Variants in DIAPH3 observed in about 807,000 individuals in gnomAD.
DIAPH3 encodes the protein diaphanous related formin 3, also known as protein diaphanous homolog 3.
A neutral mutation model predicts 144.3 loss-of-function variants in DIAPH3; 117 were observed. The observed-to-expected ratio is 0.81, with a 90% CI of 0.70 to 0.95. The LOEUF is 0.95. Ranked by LOEUF, DIAPH3 falls within the 40% of genes least tolerant of loss-of-function variation. The pLI is 0.00. For missense variants in DIAPH3, 1,421 were observed against 1,412.7 expected (o/e 1.01, Z -0.09); for synonymous variants, 519 against 488.9 (o/e 1.06, Z -0.81).
chr13:59,703,803 G>A lies in DIAPH3; in HGVS notation c.3320-36957C>T, dbSNP rs1349336038. On this transcript the variant is annotated intron_variant, in intron 27 of 27. Transcript: ENST00000400324. ...TTAGCATGCCTAGCAGTGTTTTATT[G>A]AAATCTGGATATTCTATGTATATAT... 2.0e-5 allele frequency among the ~76,000 whole-genome samples: 3 copies of A among 152,108 alleles called. No homozygotes were observed. In the East Asian group the frequency reaches 5.8e-4, roughly 29 times the overall value.
intron 17 of DIAPH3, among the ~76,000 whole-genome samples, chr13:59,937,220 C>T (rs2048311463): frequency 6.6e-6 from 1 of 151,812 alleles, no homozygotes. Flanking sequence ...ATAACATTCT[C>T]TCATATGTTC....
chr13:59,737,889 G>A (rs1263037130), intron 27 of DIAPH3, among the ~76,000 whole-genome samples: 4 of 152,070 alleles, frequency 2.6e-5, no homozygotes, highest in African/African-American at 9.7e-5. Context: ...AAATTAGGCC[G>A]GGCACAGTGG....
chr13:59,869,885 GT>G (rs1000259855), intron 21 of DIAPH3, among the ~76,000 whole-genome samples: 1 of 152,038 alleles, frequency 6.6e-6, no homozygotes, highest in African/African-American at 2.4e-5. Flanking sequence ...TTAGATAAAA[GT>G]CCTTTATCAG....
intron 17 of DIAPH3, among the ~76,000 whole-genome samples, chr13:59,961,038 T>C (rs2049726530): frequency 1.3e-5 from 2 of 152,186 alleles, no homozygotes; most frequent in African/African-American, 4.8e-5. Flanking sequence ...TATGAACTAG[T>C]GTTACAGTAG....
chr13:60,121,807 C>T (rs929957916), intron 2 of DIAPH3, among the ~76,000 whole-genome samples: 2 of 152,134 alleles, frequency 1.3e-5, no homozygotes, highest in African/African-American at 2.4e-5. Context: ...TCAGCTCTGC[C>T]GAAAGGTGAT....
intron 1 of DIAPH3, among the ~76,000 whole-genome samples, chr13:60,136,785 A>G (rs2059290108): frequency 6.6e-6 from 1 of 152,008 alleles, no homozygotes; most frequent in South Asian, 2.1e-4. Flanking sequence ...AATACAAAAA[A>G]AAAAATTAGC....
At chr13:59,990,329 A>G (rs945195661) in intron 12 of DIAPH3, among the ~76,000 whole-genome samples, 2 of 151,860 alleles carry the variant, frequency 1.3e-5, no homozygotes, top group Non-Finnish European at 2.9e-5. Flanking sequence ...CCGAGGACAC[A>G]GCCTGAATGA....
At chr13:60,054,415 A>G (rs1263106165) in intron 4 of DIAPH3, among the ~76,000 whole-genome samples, 1 of 152,084 alleles carries the variant, frequency 6.6e-6, no homozygotes. Context: ...GAAAAAGCTT[A>G]CGTTCTCATA....
At chr13:60,131,632 G>T (rs1304287987) in intron 2 of DIAPH3, among the ~76,000 whole-genome samples, 13 of 151,954 alleles carry the variant, frequency 8.6e-5, no homozygotes, top group Admixed American at 8.5e-4. Context: ...CTAGAACTGA[G>T]GGAGTTGAGG....
chr13:59,706,973 T>A (rs910663282), intron 27 of DIAPH3, among the ~76,000 whole-genome samples: 6 of 152,214 alleles, frequency 3.9e-5, no homozygotes, highest in Non-Finnish European at 7.3e-5. Context: ...TTGGGTAGAA[T>A]TGACACATGC....
At chr13:60,079,178 G>A (rs1042616762) in intron 4 of DIAPH3, among the ~76,000 whole-genome samples, 1 of 152,128 alleles carries the variant, frequency 6.6e-6, no homozygotes, top group African/African-American at 2.4e-5. Flanking sequence ...GACCCCATTG[G>A]GGAAAGGGCA....
At chr13:59,930,088 A>G (rs911453830) in intron 17 of DIAPH3, among the ~76,000 whole-genome samples, 4 of 152,178 alleles carry the variant, frequency 2.6e-5, no homozygotes, top group African/African-American at 9.7e-5. Flanking sequence ...TTTTATGTTA[A>G]GTGTTAGGTA....
At chr13:60,016,908 A>T (rs2053688182) in intron 5 of DIAPH3, among the ~76,000 whole-genome samples, 1 of 152,208 alleles carries the variant, frequency 6.6e-6, no homozygotes, top group Admixed American at 6.5e-5. Context: ...GATTACATGA[A>T]AACTACCTCG....
At chr13:60,114,376 T>C (rs1566787904) in intron 2 of DIAPH3, among the ~76,000 whole-genome samples, 1 of 151,440 alleles carries the variant, frequency 6.6e-6, no homozygotes, top group Admixed American at 6.6e-5. Flanking sequence ...GAAGAATCAG[T>C]GAACCTAAAC....
rs535773408 is a variant in DIAPH3 at position 60,160,173 on chromosome 13, G to A, written c.180+3414C>T. 3.7e-4 allele frequency among the ~76,000 whole-genome samples: 56 copies of A among 152,150 alleles called. 2 individuals carry two copies. Among genetic ancestry groups the A allele is most frequent in the African/African-American group, 1.9e-4 (8 of 41,490 alleles). On this transcript the variant is annotated intron_variant, in intron 1 of 27. Transcript: ENST00000400324. ...CGAGAGGCGGAGCTTGCAGTGAGCC[G>A]AGATCACGCCTCTGCACTCCAGCCT...
chr13:60,093,368 A>G (rs2058012587), intron 4 of DIAPH3, among the ~76,000 whole-genome samples: 1 of 152,230 alleles, frequency 6.6e-6, no homozygotes, highest in Non-Finnish European at 1.5e-5. Context: ...TTCACTAACA[A>G]GGAAAGGTGA....
rs141832127 is a variant in DIAPH3 at position 60,052,916 on chromosome 13, G to A, written c.496-10096C>T. ...GCAGAGATTGTAGTGAGCTGAGATCGCGCCACTGCACTCCAGCCTGGTGAC... is the reference window on the plus strand; with the variant it reads ...GCAGAGATTGTAGTGAGCTGAGATCACGCCACTGCACTCCAGCCTGGTGAC... On this transcript the variant is annotated intron_variant, in intron 4 of 27. Coordinates refer to ENST00000400324, the MANE Select transcript of DIAPH3 (RefSeq NM_001042517.2). 2.5e-3 allele frequency among the ~76,000 whole-genome samples: 310 copies of A among 125,876 alleles called. 1 individual carries two copies. Among genetic ancestry groups the A allele is most frequent in the African/African-American group, 9.0e-3 (284 of 31,420 alleles). 82.6% of individuals were successfully genotyped at this position (125,876 alleles called of 152,430 possible). A position where few individuals can be genotyped will look rare whatever the true frequency, so the allele number is the denominator to read the frequency against.
At chr13:59,766,875 C>T (rs528829170) in intron 27 of DIAPH3, among the ~76,000 whole-genome samples, 4 of 152,056 alleles carry the variant, frequency 2.6e-5, no homozygotes, top group Admixed American at 1.3e-4. Flanking sequence ...ACCAATACTG[C>T]GTTTCTCAAG....
chr13:59,666,303 A>C lies in DIAPH3; in HGVS notation c.*281T>G. 2.8e-6 allele frequency: 1 copy of C among 352,488 alleles called. No individual in the cohort carries two copies. Among genetic ancestry groups the C allele is most frequent in the Non-Finnish European group, 5.0e-6 (1 of 198,124 alleles). 21.8% of individuals were successfully genotyped at this position (352,488 alleles called of 1,614,324 possible). On this transcript the variant is annotated 3_prime_UTR_variant, in exon 28 of 28. Transcript: ENST00000400324. The stretch of plus-strand genomic sequence containing the variant: ...ACACATGGCCACCTACCTGCTCTCT[A>C]AAGCAATATGTATAATTTAACCACC...
Sources: allele counts gnomAD v4.1 joint callset (sites outside exome capture counted in the v4.1 genomes callset), GRCh38; gene constraint gnomAD v4.1.1; transcripts MANE v1.5; gene names NCBI Gene and HGNC (gene_info 2026-07-23, HGNC 2026-07-21).